Variants in SLC25A48 observed in about 807,000 individuals in gnomAD.
The protein encoded by SLC25A48 is CTC-321K16.1.
SLC25A48 carries 29 observed loss-of-function variants against 32.2 expected under a neutral mutation model. The observed-to-expected ratio is 0.90, with a 90% CI of 0.67 to 1.23. SLC25A48 has a LOEUF of 1.23. Ranked by LOEUF, SLC25A48 falls within the 50% of genes most tolerant of loss-of-function variation. SLC25A48 has a pLI of 0.00. For missense variants in SLC25A48, 399 were observed against 422.7 expected, an observed-to-expected ratio of 0.94 and a Z score of 0.49; for synonymous variants, 164 against 172.3, an observed-to-expected ratio of 0.95 and a Z score of 0.38.
intron 1 of SLC25A48, among the ~76,000 whole-genome samples, chr5:135,838,419 G>T (rs1031669510): frequency 6.6e-6 from 1 of 152,240 alleles, no homozygotes; most frequent in African/African-American, 2.4e-5. Flanking sequence ...CCATTATCTG[G>T]GGAGAAATTC....
At chr5:135,778,353 G>T (rs115578542) in intron 3 of SLC25A48, among the ~76,000 whole-genome samples, 1 of 150,812 alleles carries the variant, frequency 6.6e-6, no homozygotes, top group Admixed American at 6.6e-5. Context: ...TCCCAATATC[G>T]CAGAAGATGT....
At chr5:135,627,904 C>G (rs572693539) in intron 1 of SLC25A48, among the ~76,000 whole-genome samples, 28 of 152,280 alleles carry the variant, frequency 1.8e-4, no homozygotes, top group African/African-American at 6.5e-4. Context: ...CAAAAAGACT[C>G]TATGCATGGT....
intron 3 of SLC25A48, among the ~76,000 whole-genome samples, chr5:135,687,573 T>C (rs1486674443): frequency 6.6e-6 from 1 of 152,236 alleles, no homozygotes; most frequent in Admixed American, 6.5e-5. Flanking sequence ...TTTTTTTTAA[T>C]GTTGCTGTTT....
intron 3 of SLC25A48, among the ~76,000 whole-genome samples, chr5:135,677,706 C>A (rs1259988251): frequency 6.6e-6 from 1 of 152,124 alleles, no homozygotes; most frequent in African/African-American, 2.4e-5. Flanking sequence ...TAAGGCTGGA[C>A]TAGTGGTGGT....
intron 3 of SLC25A48, among the ~76,000 whole-genome samples, chr5:135,795,993 T>A (rs1175788624): frequency 2.9e-5 from 3 of 103,202 alleles, no homozygotes; most frequent in Admixed American, 1.3e-4. Flanking sequence ...GGGATAATAT[T>A]ACTCCCAGTA....
At chr5:135,637,336 T>A (rs1752727983) in intron 3 of SLC25A48, among the ~76,000 whole-genome samples, 1 of 152,172 alleles carries the variant, frequency 6.6e-6, no homozygotes, top group South Asian at 2.1e-4. Context: ...AATTAATTAA[T>A]TCTCTTTCTC....
chr5:135,840,018 G>T (rs1435834150), intron 1 of SLC25A48, among the ~76,000 whole-genome samples: 1 of 152,192 alleles, frequency 6.6e-6, no homozygotes, highest in Non-Finnish European at 1.5e-5. Flanking sequence ...TTTGATAGCA[G>T]CATGAGAACA....
chr5:135,611,496 C>CA (rs57138043), intron 1 of SLC25A48, among the ~76,000 whole-genome samples: 571 of 21,336 alleles, frequency 0.027, 62 homozygotes, highest in East Asian at 0.045. Flanking sequence ...GACTCCATCT[C>CA]AAAAAAAAAA....
intron 1 of SLC25A48, among the ~76,000 whole-genome samples, chr5:135,626,449 T>A (rs951518015): frequency 8.5e-5 from 13 of 152,216 alleles, no homozygotes; most frequent in Non-Finnish European, 1.9e-4. Context: ...ATTAGAACAT[T>A]GAGCCCTCAA....
intron 6 of SLC25A48, 101 bp downstream of exon 6, chr5:135,874,255 G>A (rs964932701): frequency 6.2e-6 from 8 of 1,285,482 alleles, no homozygotes; most frequent in Non-Finnish European, 8.0e-6. Flanking sequence ...CAGGAGACCA[G>A]GGGGCTGCTG....
chr5:135,880,700 G>A (rs994735766), intron 7 of SLC25A48, among the ~76,000 whole-genome samples: 1 of 152,100 alleles, frequency 6.6e-6, no homozygotes, highest in African/African-American at 2.4e-5. Context: ...TCTAGATAAA[G>A]CCTTCACCCT....
At chr5:135,872,980 A>G (rs770270371) in intron 5 of SLC25A48, among the ~76,000 whole-genome samples, 8 of 152,170 alleles carry the variant, frequency 5.3e-5, no homozygotes, top group Non-Finnish European at 1.2e-4. Context: ...GCAAGGCCCC[A>G]TTTGCTCTCA....
intron 3 of SLC25A48, among the ~76,000 whole-genome samples, chr5:135,762,757 G>C (rs1756094236): frequency 6.6e-6 from 1 of 152,068 alleles, no homozygotes. Context: ...AATACAAATT[G>C]AGCATGTGTG....
intron 3 of SLC25A48, among the ~76,000 whole-genome samples, chr5:135,756,699 T>C (rs765973986): frequency 3.9e-5 from 6 of 152,072 alleles, no homozygotes; most frequent in Non-Finnish European, 7.4e-5. Context: ...GTATGATACC[T>C]ATAATATGTA....
At chr5:135,669,262 T>A (rs1367561489) in intron 3 of SLC25A48, among the ~76,000 whole-genome samples, 1 of 152,136 alleles carries the variant, frequency 6.6e-6, no homozygotes, top group Non-Finnish European at 1.5e-5. Flanking sequence ...TCATGCATCC[T>A]GGGAAGAGAG....
intron 1 of SLC25A48, among the ~76,000 whole-genome samples, chr5:135,603,532 A>T (rs4585443): frequency 0.19 from 29,315 of 152,092 alleles, 2,911 homozygotes; most frequent in East Asian, 0.3. Context: ...CTCTGGCCTC[A>T]TCCCTCTGAC....
At chr5:135,618,499 C>T (rs1332818433) in intron 1 of SLC25A48, among the ~76,000 whole-genome samples, 1 of 152,020 alleles carries the variant, frequency 6.6e-6, no homozygotes, top group Admixed American at 6.6e-5. Flanking sequence ...TCCTTTCTTT[C>T]TCTCTTATTG....
chr5:135,837,563 A>G (rs1758639863), intron 1 of SLC25A48, among the ~76,000 whole-genome samples: 1 of 152,142 alleles, frequency 6.6e-6, no homozygotes, highest in Non-Finnish European at 1.5e-5. Context: ...AGCTCCCATA[A>G]TTCCACATGT....
rs148246856 is a variant in SLC25A48 at position 135,712,668 on chromosome 5, C to T, written c.-521+77712C>T. On this transcript the variant is annotated intron_variant, in intron 3 of 10. Transcript: ENST00000646290. The stretch of plus-strand genomic sequence containing the variant: ...CTGAGGCTCACCAAAAGATCAGCTT[C>T]CTCCCCTTGAATGCTTGTGGGGAGG... 4.7e-3 allele frequency among the ~76,000 whole-genome samples: 713 copies of T among 152,334 alleles called. 4 individuals are homozygous for T. The highest frequency in any genetic ancestry group is 0.014 in the Middle Eastern group (4 of 294).
Sources: gnomAD v4.1 joint callset for allele counts (sites outside exome capture counted in the v4.1 genomes callset) on GRCh38, gnomAD v4.1.1 for gene constraint, MANE v1.5 for transcripts, NCBI Gene and HGNC (gene_info 2026-07-23, HGNC 2026-07-21) for gene names.